The following TMEM255B variants were observed in gnomAD, a reference collection of about 807,000 sequenced individuals.
The protein encoded by TMEM255B is transmembrane protein 255B.
In TMEM255B, 35 loss-of-function variants were observed where a neutral mutation model predicts 34.5. The ratio of observed to expected loss-of-function variants is 1.01; its 90% CI spans 0.77 to 1.34. The LOEUF (loss-of-function observed/expected upper bound fraction) is 1.34, where lower values mean the gene tolerates loss of function less well. Ranked by LOEUF, TMEM255B falls within the 40% of genes most tolerant of loss-of-function variation. TMEM255B has a pLI of 0.00. For synonymous variants in TMEM255B, 206 were observed against 201.2 expected, an observed-to-expected ratio of 1.02 and a Z score of -0.20; for missense variants, 432 against 433.2, an observed-to-expected ratio of 1.00 and a Z score of 0.02.
Position 113,795,171 on chromosome 13 carries a change from C to T in TMEM255B, c.276C>T (p.Ile92=), listed in dbSNP as rs150290657. The T allele has an allele frequency of 1.9e-6, 3 of 1,613,854 alleles. No individual in the cohort carries two copies. The highest frequency in any genetic ancestry group is 2.5e-6 in the Non-Finnish European group (3 of 1,179,992). ...RQMLVAAIVF[I]SFGVVAAFCC... The stretch of plus-strand genomic sequence containing the variant: ...AGCTGGTGGCAGCGATCGTGTTTAT[C>T]AGTTTTGGCGTGGTGGCCGCCTTCT... Residue 92 remains isoleucine, a synonymous_variant, in exon 4 of 9, where the codon ATC becomes ATT. Transcript: ENST00000375353.
At chr13:113,790,317 T>C (rs2050810794) in intron 3 of TMEM255B, among the ~76,000 whole-genome samples, 1 of 116,110 alleles carries the variant, frequency 8.6e-6, no homozygotes, top group Non-Finnish European at 1.9e-5. Flanking sequence ...CACATGGACA[T>C]CCTAGCTGTG....
chr13:113,773,291 C>T (rs1484912211), intron 3 of TMEM255B, among the ~76,000 whole-genome samples: 1 of 152,226 alleles, frequency 6.6e-6, no homozygotes, highest in Admixed American at 6.5e-5. Context: ...CTAATATCTG[C>T]AACCCTGTGG....
intron 3 of TMEM255B, among the ~76,000 whole-genome samples, chr13:113,785,317 G>A (rs937280854): frequency 1.4e-5 from 2 of 146,570 alleles, no homozygotes; most frequent in South Asian, 4.3e-4. Context: ...CACTGGCTTT[G>A]CCTTCTGATT....
intron 2 of TMEM255B, 122 bp downstream of exon 2, chr13:113,766,379 T>G (rs745559233): frequency 7.0e-7 from 1 of 1,422,568 alleles, no homozygotes; most frequent in African/African-American, 1.4e-5. Flanking sequence ...CGATCAGTGC[T>G]TGTGGTCGGC....
chr13:113,800,023 C>T, intron 5 of TMEM255B: 1 of 1,229,252 alleles, frequency 8.1e-7, no homozygotes, highest in South Asian at 1.4e-5. Flanking sequence ...CCAGCACCTG[C>T]CAGCTTGTCT....
intron 4 of TMEM255B, among the ~76,000 whole-genome samples, chr13:113,796,165 T>G (rs1170230760): frequency 2.0e-5 from 1 of 49,744 alleles, no homozygotes; most frequent in South Asian, 6.7e-4. Flanking sequence ...ACAGAGCACA[T>G]AGCACACACC....
At chr13:113,766,063 G>A (rs955055620) in intron 1 of TMEM255B, 52 bp from the exon 2 acceptor site, 24 of 1,607,068 alleles carry the variant, frequency 1.5e-5, no homozygotes, top group East Asian at 2.2e-5. Context: ...CTGGCCTGAC[G>A]CCCTCCTGAG....
intron 8 of TMEM255B, 124 bp from the exon 9 acceptor site, chr13:113,811,612 G>T (rs1017384677): frequency 5.4e-6 from 6 of 1,102,354 alleles, no homozygotes; most frequent in African/African-American, 2.0e-5. Flanking sequence ...GAGTCTGCGG[G>T]TGGCCCTGGG....
At chr13:113,795,289 G>T in intron 4 of TMEM255B, 52 bp downstream of exon 4, 1 of 1,563,430 alleles carries the variant, frequency 6.4e-7, no homozygotes, top group South Asian at 1.1e-5. Flanking sequence ...TGAAAGAGTC[G>T]ACGTGAAAAA....
chr13:113,811,873 G>C lies in TMEM255B; in HGVS notation c.951G>C (p.Pro317=), dbSNP rs146703259. ...PPCYAPTYFP[P]GEKPPPYAP ...GCTACGCACCCACCTACTTTCCCCC[G>C]GGGGAGAAGCCACCCCCCTACGCAC... The change falls in exon 9 of 9, where the codon CCG becomes CCC. Residue 317 remains proline (P), a synonymous_variant. Coordinates refer to ENST00000375353, the MANE Select transcript of TMEM255B (RefSeq NM_182614.4). The C allele has an allele frequency of 6.2e-7, 1 of 1,613,146 alleles. No individual in the cohort carries two copies. The highest frequency in any genetic ancestry group is 8.5e-7 in the Non-Finnish European group (1 of 1,179,474).
chr13:113,795,207 C>G lies in TMEM255B; in HGVS notation c.312C>G (p.Ile104Met). 6.2e-7 allele frequency: 1 copy of G among 1,613,864 alleles called. No homozygotes were observed. Among genetic ancestry groups the G allele is most frequent in the Non-Finnish European group, 8.5e-7 (1 of 1,179,976 alleles). The part of the protein sequence containing the change: ...FGVVAAFCCA[I>M]VDGVFAAQHI... ...TGGTGGCCGCCTTCTGCTGCGCCAT[C>G]GTGGACGGCGTATTTGCAGCACAGC... Residue 104 changes from isoleucine (I) to methionine (M), a missense_variant, in exon 4 of 9, where the codon ATC (isoleucine) becomes ATG (methionine). Coordinates refer to ENST00000375353, the MANE Select transcript of TMEM255B (RefSeq NM_182614.4).
At chr13:113,775,510 G>A (rs991923307) in intron 3 of TMEM255B, among the ~76,000 whole-genome samples, 7 of 152,216 alleles carry the variant, frequency 4.6e-5, no homozygotes, top group African/African-American at 9.7e-5. Flanking sequence ...GCGGGTCACC[G>A]GTGAGGACAC....
At chr13:113,765,661 TCCCTGCCCCTC>T (rs2050376397) in intron 1 of TMEM255B, among the ~76,000 whole-genome samples, 3 of 152,158 alleles carry the variant, frequency 2.0e-5, no homozygotes, top group Admixed American at 2.0e-4. Flanking sequence ...CGTTCCTCTC[TCCCTGCCCCTC>T]CCCTGGTGGC....
intron 8 of TMEM255B, among the ~76,000 whole-genome samples, chr13:113,811,365 A>T (rs116086104): frequency 4.2e-4 from 18 of 42,692 alleles, no homozygotes; most frequent in South Asian, 2.0e-3. Context: ...CCGGTGAGAG[A>T]GGTCCTGGGT....
At position 113,799,380 on chromosome 13, in the gene TMEM255B, C is replaced by T. The variant is rs760817234; in HGVS notation, c.384C>T (p.Ser128=). ...PLTTGRCQFY[S]SGVGYLYDVY... ...CCACGGGAAGATGCCAGTTTTACTC[C>T]AGTGGGGTGGGGTACTTGTACGATG... Residue 128 remains serine, a synonymous_variant, in exon 5 of 9, where the codon TCC becomes TCT. Transcript: ENST00000375353. 6.2e-7 allele frequency: 1 copy of T among 1,614,174 alleles called. No individual in the cohort carries two copies. Among genetic ancestry groups the T allele is most frequent in the Non-Finnish European group, 8.5e-7 (1 of 1,180,026 alleles).
intron 2 of TMEM255B, 61 bp downstream of exon 2, chr13:113,766,318 G>T: frequency 6.2e-7 from 1 of 1,608,372 alleles, no homozygotes; most frequent in Non-Finnish European, 8.5e-7. Context: ...GGCTCTCTCA[G>T]GGTGGAGTCC....
chr13:113,800,305 G>GTGTA (rs2051026951), intron 5 of TMEM255B, among the ~76,000 whole-genome samples: 1 of 105,678 alleles, frequency 9.5e-6, no homozygotes, highest in Non-Finnish European at 2.1e-5. Context: ...CGTCCTCTGT[G>GTGTA]TGTGTGTGTG....
chr13:113,794,281 C>T (rs1021199576), intron 3 of TMEM255B, among the ~76,000 whole-genome samples: 15 of 152,170 alleles, frequency 9.9e-5, no homozygotes, highest in African/African-American at 1.2e-4. Context: ...CGAGCACCCA[C>T]GCTCGTGCCT....
At chr13:113,786,526 CACTGTCATCACCATT>C (rs1003322988) in intron 3 of TMEM255B, among the ~76,000 whole-genome samples, 2 of 54,346 alleles carry the variant, frequency 3.7e-5, no homozygotes, top group East Asian at 2.0e-3. Flanking sequence ...CCATTGTCAC[CACTGTCATCACCATT>C]GTCACCATCG....
Sources: gnomAD v4.1 joint callset for allele counts (sites outside exome capture counted in the v4.1 genomes callset) on GRCh38, gnomAD v4.1.1 for gene constraint, MANE v1.5 for transcripts, NCBI Gene and HGNC (gene_info 2026-07-23, HGNC 2026-07-21) for gene names.